KANK4: variants seen among roughly 807,000 people sequenced by gnomAD.
The protein encoded by KANK4 is KN motif and ankyrin repeat domain-containing protein 4.
Under a neutral mutation model 80.8 loss-of-function variants are expected in KANK4, and 50 were observed. The ratio of observed to expected loss-of-function variants is 0.62; its 90% CI spans 0.49 to 0.78. KANK4 has a LOEUF of 0.78. Ranked by LOEUF, KANK4 falls within the 30% of genes least tolerant of loss-of-function variation. The pLI is 0.00. For synonymous variants in KANK4, 465 were observed against 506.9 expected (o/e 0.92, Z 1.11); for missense variants, 1,196 against 1,240.1 (o/e 0.96, Z 0.53).
intron 7 of KANK4, among the ~76,000 whole-genome samples, chr1:62,257,553 C>G (rs1671781291): frequency 6.6e-6 from 1 of 152,206 alleles, no homozygotes; most frequent in South Asian, 2.1e-4. Flanking sequence ...TGGGGTTGAG[C>G]CGGCAGAGGT....
At chr1:62,263,014 A>C (rs1671924594) in intron 7 of KANK4, 78 bp downstream of exon 7, 17 of 1,068,154 alleles carry the variant, frequency 1.6e-5, no homozygotes, top group Non-Finnish European at 2.4e-5. Context: ...AAGCTATTGA[A>C]ATTTTTGAAA....
intron 7 of KANK4, among the ~76,000 whole-genome samples, chr1:62,262,165 A>G (rs1228393998): frequency 6.6e-6 from 1 of 152,180 alleles, no homozygotes; most frequent in Admixed American, 6.5e-5. Flanking sequence ...GGAAAATGCC[A>G]TTTTCCCTAG....
rs577814521 is a variant in KANK4, at chr1:62,273,669, G to A, written c.1435C>T (p.Leu479=). Reference sequence around the variant, plus strand: ...AGGACCTGCTCGGGTCCCTGTGGCAGTGACAGCTGGGGCAGAAGCACACGT... The same window carrying A: ...AGGACCTGCTCGGGTCCCTGTGGCAATGACAGCTGGGGCAGAAGCACACGT... The part of the protein sequence containing the change: ...AERVLLPQLS[L]PQGPEQVLTS... The change falls in exon 3 of 10, where the codon CTG becomes TTG. Residue 479 remains leucine, a synonymous_variant. Coordinates refer to ENST00000371153, the MANE Select transcript of KANK4 (RefSeq NM_181712.5). 7 of 1,614,170 alleles carry A rather than the reference G, an allele frequency of 4.3e-6. No homozygotes were observed. The Admixed American group carries it at 1.2e-4, about 27-fold the overall frequency.
intron 7 of KANK4, among the ~76,000 whole-genome samples, chr1:62,258,625 T>C (rs1189848994): frequency 2.0e-5 from 3 of 152,330 alleles, no homozygotes; most frequent in Admixed American, 1.3e-4. Context: ...CCATCGCTCA[T>C]TCATTTAACA....
rs763677734 is a variant in KANK4 at position 62,274,737 on chromosome 1, T to G, written c.367A>C (p.Ser123Arg). The change falls in exon 3 of 10, where the codon AGT (serine) becomes CGT (arginine). Residue 123 changes from serine (S) to arginine (R), a missense_variant. Transcript: ENST00000371153. ...GCCTTCCTGTGGTAGCTCACCTCAC[T>G]CCTGCTTGTTGAGGCCTGGGGGGCA... ...GNAPQASTSR[S>R]EVSYHRKALL... The G allele has an allele frequency of 5.0e-6, 8 of 1,613,990 alleles. No homozygotes were observed. In the East Asian group the frequency reaches 1.6e-4, roughly 31 times the overall value.
At chr1:62,301,923 G>C (rs1265009208) in intron 1 of KANK4, among the ~76,000 whole-genome samples, 1 of 151,866 alleles carries the variant, frequency 6.6e-6, no homozygotes, top group Non-Finnish European at 1.5e-5. Flanking sequence ...TTGGGGGTGG[G>C]GGGTGGTGAG....
At chr1:62,282,254 C>G (rs980335565) in intron 1 of KANK4, among the ~76,000 whole-genome samples, 9 of 152,162 alleles carry the variant, frequency 5.9e-5, no homozygotes, top group African/African-American at 2.2e-4. Flanking sequence ...GAATATTGCC[C>G]TGGCTCTGAA....
intron 7 of KANK4, among the ~76,000 whole-genome samples, chr1:62,256,904 A>T (rs189692127): frequency 1.7e-4 from 26 of 149,996 alleles, no homozygotes; most frequent in African/African-American, 5.8e-4. Context: ...TACCTTATTA[A>T]TAACTTTATT....
intron 1 of KANK4, among the ~76,000 whole-genome samples, chr1:62,294,270 G>A (rs1212776534): frequency 6.6e-6 from 1 of 152,188 alleles, no homozygotes; most frequent in Non-Finnish European, 1.5e-5. Context: ...ACAGTCCAGA[G>A]GGCTTGGAAA....
chr1:62,272,392 T>A (rs902636070), intron 3 of KANK4: 1 of 152,358 alleles, frequency 6.6e-6, no homozygotes, highest in Non-Finnish European at 1.5e-5. Context: ...ATCAATATAA[T>A]GCTCCTCCAA....
intron 1 of KANK4, among the ~76,000 whole-genome samples, chr1:62,281,841 AGTTGACAT>A (rs1672458207): frequency 6.6e-6 from 1 of 152,212 alleles, no homozygotes; most frequent in South Asian, 2.1e-4. Flanking sequence ...TATTAGCAAT[AGTTGACAT>A]GAAAAGAAGT....
chr1:62,253,409 C>CTTTTTTTTTTTTTTTTTT (rs34488630), intron 7 of KANK4, among the ~76,000 whole-genome samples, 200 bp from the exon 8 acceptor site: 6 of 110,982 alleles, frequency 5.4e-5, no homozygotes, highest in East Asian at 2.8e-4. Flanking sequence ...TTCTTTCTTT[C>CTTTTTTTTTTTTTTTTTT]TTTTTTTTTT....
intron 1 of KANK4, among the ~76,000 whole-genome samples, chr1:62,315,686 G>A (rs934375709): frequency 2.6e-5 from 4 of 152,164 alleles, no homozygotes; most frequent in African/African-American, 9.7e-5. Flanking sequence ...ATAGGTGGAG[G>A]CTGCAGTGAG....
chr1:62,269,031 C>T (rs775971153), intron 4 of KANK4, among the ~76,000 whole-genome samples: 2 of 152,246 alleles, frequency 1.3e-5, no homozygotes, highest in Non-Finnish European at 2.9e-5. Flanking sequence ...GGCATGAACT[C>T]CTCCACACCT....
intron 1 of KANK4, among the ~76,000 whole-genome samples, chr1:62,292,460 T>C (rs1227301485): frequency 6.6e-6 from 1 of 152,196 alleles, no homozygotes; most frequent in Non-Finnish European, 1.5e-5. Context: ...TATTACCTAT[T>C]GTTCAAATCC....
At chr1:62,296,996 C>T (rs1348546136) in intron 1 of KANK4, among the ~76,000 whole-genome samples, 1 of 151,992 alleles carries the variant, frequency 6.6e-6, no homozygotes, top group Non-Finnish European at 1.5e-5. Context: ...GCGGGTGGAT[C>T]ACCTGAGTTC....
At chr1:62,314,794 C>T (rs1050961801) in intron 1 of KANK4, among the ~76,000 whole-genome samples, 1 of 152,040 alleles carries the variant, frequency 6.6e-6, no homozygotes, top group African/African-American at 2.4e-5. Flanking sequence ...TTTTCTCCCA[C>T]AATGCCTGTG....
intron 4 of KANK4, among the ~76,000 whole-genome samples, chr1:62,270,406 G>C (rs1276236353): frequency 1.4e-5 from 2 of 147,354 alleles, no homozygotes; most frequent in East Asian, 4.0e-4. Flanking sequence ...TTTTAAGACT[G>C]AGTCTCGCTC....
chr1:62,238,456 G>C (rs1570949473), intron 9 of KANK4, 75 bp from the exon 10 acceptor site: 1 of 1,290,878 alleles, frequency 7.7e-7, no homozygotes, highest in East Asian at 2.3e-5. Flanking sequence ...GGCAAGTTGG[G>C]AGTAGAGGGT....
Sources: allele counts gnomAD v4.1 joint callset (sites outside exome capture counted in the v4.1 genomes callset), GRCh38; gene constraint gnomAD v4.1.1; transcripts MANE v1.5; gene names NCBI Gene and HGNC (gene_info 2026-07-23, HGNC 2026-07-21).